GNB1: variants seen among roughly 807,000 people sequenced by gnomAD.
GNB1 encodes the protein guanine nucleotide-binding protein G(I)/G(S)/G(T) subunit beta-1.
GNB1 carries 2 observed loss-of-function variants against 42.9 expected under a neutral mutation model. That is an observed-to-expected ratio of 0.05 (90% confidence interval 0.02 to 0.15). The LOEUF (loss-of-function observed/expected upper bound fraction) is 0.15, where lower values mean the gene tolerates loss of function less well. GNB1 is among the 10% of genes least tolerant of loss of function. The pLI is 1.00. For synonymous variants in GNB1, 183 were observed against 174.7 expected (o/e 1.05, Z -0.38); for missense variants, 193 against 462.2 (o/e 0.42, Z 5.34).
intron 1 of GNB1, among the ~76,000 whole-genome samples, chr1:1,856,584 C>T (rs1313810161): frequency 1.3e-5 from 2 of 152,166 alleles, no homozygotes; most frequent in Non-Finnish European, 2.9e-5. Context: ...CGCGCTACGA[C>T]GCCCAGCTAA....
intron 1 of GNB1, among the ~76,000 whole-genome samples, chr1:1,884,254 C>T (rs1418617058): frequency 6.6e-6 from 1 of 152,118 alleles, no homozygotes; most frequent in Non-Finnish European, 1.5e-5. Flanking sequence ...CATGCATCAC[C>T]ATGCCTGGGT....
At chr1:1,854,839 C>G (rs1399225018) in intron 1 of GNB1, among the ~76,000 whole-genome samples, 1 of 152,198 alleles carries the variant, frequency 6.6e-6, no homozygotes, top group Admixed American at 6.5e-5. Flanking sequence ...TCAAGATCAG[C>G]CTGGCCAACA....
intron 1 of GNB1, among the ~76,000 whole-genome samples, chr1:1,858,229 A>G (rs1051171494): frequency 5.3e-5 from 8 of 152,258 alleles, no homozygotes; most frequent in Admixed American, 3.3e-4. Flanking sequence ...GGCCAGAATC[A>G]TGGAACATCC....
intron 2 of GNB1, among the ~76,000 whole-genome samples, chr1:1,827,635 T>A (rs1570678003): frequency 6.6e-6 from 1 of 152,220 alleles, no homozygotes; most frequent in East Asian, 1.9e-4. Context: ...CAGGACAAGA[T>A]GAGCAGTGTC....
chr1:1,825,760 G>A (rs1387605102), intron 2 of GNB1, among the ~76,000 whole-genome samples: 1 of 151,968 alleles, frequency 6.6e-6, no homozygotes, highest in African/African-American at 2.4e-5. Context: ...AGCTACTTGG[G>A]AGGCTGAGGC....
chr1:1,854,284 G>A (rs1368340378), intron 1 of GNB1, among the ~76,000 whole-genome samples: 1 of 152,182 alleles, frequency 6.6e-6, no homozygotes, highest in Non-Finnish European at 1.5e-5. Flanking sequence ...CCAAGGACAG[G>A]GTGAACAGGT....
chr1:1,850,212 C>A (rs1229633314), intron 1 of GNB1, among the ~76,000 whole-genome samples: 1 of 151,752 alleles, frequency 6.6e-6, no homozygotes, highest in African/African-American at 2.4e-5. Flanking sequence ...CTCACCACAA[C>A]CTCCGCCTCC....
At chr1:1,842,366 C>T (rs1459446987) in intron 1 of GNB1, among the ~76,000 whole-genome samples, 1 of 151,378 alleles carries the variant, frequency 6.6e-6, no homozygotes, top group Non-Finnish European at 1.5e-5. Flanking sequence ...GGAGGTAGGG[C>T]TTGCAGTGAG....
chr1:1,877,511 T>G (rs1649616736), intron 1 of GNB1, among the ~76,000 whole-genome samples: 2 of 152,048 alleles, frequency 1.3e-5, no homozygotes, highest in African/African-American at 2.4e-5. Context: ...TTATTTATTT[T>G]TTTAAAAATA....
chr1:1,817,668 C>A (rs1401221245), intron 4 of GNB1, 169 bp downstream of exon 4: 3 of 545,990 alleles, frequency 5.5e-6, no homozygotes, highest in Non-Finnish European at 1.0e-5. Flanking sequence ...CAATAAGCCC[C>A]TCTATTTCCT....
intron 1 of GNB1, among the ~76,000 whole-genome samples, chr1:1,880,571 G>A (rs1649788918): frequency 1.3e-5 from 2 of 151,808 alleles, no homozygotes; most frequent in Non-Finnish European, 2.9e-5. Context: ...GGGCGACAGA[G>A]AGAGACTCCA....
At chr1:1,831,445 C>G (rs190079765) in intron 2 of GNB1, among the ~76,000 whole-genome samples, 24 of 152,100 alleles carry the variant, frequency 1.6e-4, no homozygotes, top group Admixed American at 5.2e-4. Context: ...TATAAATTTG[C>G]ATATAGTTAT....
chr1:1,836,024 T>C (rs1380185473), intron 2 of GNB1, among the ~76,000 whole-genome samples: 1 of 150,434 alleles, frequency 6.6e-6, no homozygotes, highest in Non-Finnish European at 1.5e-5. Flanking sequence ...CAGGAGGTCA[T>C]GGATGCAGTC....
At chr1:1,806,585 A>G (rs372291632) in intron 5 of GNB1, 47 bp from the exon 6 acceptor site, 15 of 1,294,462 alleles carry the variant, frequency 1.2e-5, no homozygotes, top group African/African-American at 1.4e-5. Flanking sequence ...CACAACACAG[A>G]AAGTGTACAA....
rs115445275 is a variant in GNB1 at position 1,864,985 on chromosome 1, A to G, written c.-95-25747T>C. 8.4e-3 allele frequency among the ~76,000 whole-genome samples: 1,287 copies of G among 152,324 alleles called. 23 individuals carry two copies. The highest frequency in any genetic ancestry group is 0.03 in the African/African-American group (1,234 of 41,578). Reference sequence around the variant, plus strand: ...GTTATAAAAACTACCAGGCCAGGCCAGGCGTGGTGGCTCATGCCTGTAATC... The same window carrying G: ...GTTATAAAAACTACCAGGCCAGGCCGGGCGTGGTGGCTCATGCCTGTAATC... On this transcript the variant is annotated intron_variant, in intron 1 of 11. Transcript: ENST00000378609.
At chr1:1,793,340 C>A (rs1290066887) in intron 7 of GNB1, 29 bp from the exon 8 acceptor site, 2 of 1,542,530 alleles carry the variant, frequency 1.3e-6, no homozygotes, top group Non-Finnish European at 1.8e-6. Context: ...AAGTGATGAG[C>A]TGAATCCAGC....
chr1:1,878,741 C>T (rs1649682604), intron 1 of GNB1, among the ~76,000 whole-genome samples: 1 of 152,196 alleles, frequency 6.6e-6, no homozygotes, highest in South Asian at 2.1e-4. Context: ...GATCTCTCCT[C>T]TCTTCCCCTT....
At chr1:1,860,586 G>A (rs113155485) in intron 1 of GNB1, among the ~76,000 whole-genome samples, 102 of 149,752 alleles carry the variant, frequency 6.8e-4, no homozygotes, top group East Asian at 4.5e-3. Context: ...GCAGCGAGCC[G>A]AGATCACGCC....
chr1:1,837,447 G>A (rs1377878003), intron 2 of GNB1, among the ~76,000 whole-genome samples: 1 of 151,730 alleles, frequency 6.6e-6, no homozygotes, highest in East Asian at 1.9e-4. Context: ...GTAGAGACGG[G>A]GTTTCATCGT....
Sources: gnomAD v4.1 joint callset for allele counts (sites outside exome capture counted in the v4.1 genomes callset) on GRCh38, gnomAD v4.1.1 for gene constraint, MANE v1.5 for transcripts, NCBI Gene and HGNC (gene_info 2026-07-23, HGNC 2026-07-21) for gene names.